The following VKORC1L1 variants were observed in gnomAD, a reference collection of about 807,000 sequenced individuals.
VKORC1L1 encodes vitamin K epoxide reductase complex subunit 1-like protein 1.
VKORC1L1 carries 2 observed loss-of-function variants against 18.9 expected under a neutral mutation model. The observed-to-expected ratio is 0.11, with a 90% CI of 0.04 to 0.33. VKORC1L1 has a LOEUF of 0.33. VKORC1L1 is among the 10% of genes least tolerant of loss of function. The pLI is 1.00. For synonymous variants in VKORC1L1, 96 were observed against 100.0 expected (o/e 0.96, Z 0.24); for missense variants, 123 against 224.1 (o/e 0.55, Z 2.88).
Position 65,873,263 on chromosome 7 carries a change from C to CGGCGGCGGCGGAGGCGGCGGT in VKORC1L1, c.-100_-80dup. ...GCGGCGGCGGCGGCGGCGGTGGTGGCGGCGGCGGCGGAGGCGGCGGTGGCG... is the reference window on the plus strand; with the variant it reads ...GCGGCGGCGGCGGCGGCGGTGGTGGCGGCGGCGGCGGAGGCGGCGGTGGCGGCGGCGGAGGCGGCGGTGGCG... On this transcript the variant is annotated 5_prime_UTR_variant, in exon 1 of 3. Transcript: ENST00000360768. 1 of 947,462 alleles carries CGGCGGCGGCGGAGGCGGCGGT rather than the reference C, an allele frequency of 1.1e-6. No homozygotes were observed. The highest frequency in any genetic ancestry group is 1.3e-6 in the Non-Finnish European group (1 of 797,644). The allele number at this position is 947,462 out of a possible 1,614,324, so 58.7% of individuals were successfully genotyped here. A position where few individuals can be genotyped will look rare whatever the true frequency, so the allele number is the denominator to read the frequency against.
rs1291241102 is a variant in VKORC1L1 at position 65,957,882 on chromosome 7, G to C, written c.*3582G>C. 6.6e-6 allele frequency: 1 copy of C among 152,058 alleles called. No homozygotes were observed. The highest frequency in any genetic ancestry group is 1.5e-5 in the Non-Finnish European group (1 of 68,006). 9.4% of individuals were successfully genotyped at this position (152,058 alleles called of 1,614,324 possible). A position where few individuals can be genotyped will look rare whatever the true frequency, so the allele number is the denominator to read the frequency against. On this transcript the variant is annotated 3_prime_UTR_variant, in exon 3 of 3. Coordinates refer to ENST00000360768, the MANE Select transcript of VKORC1L1 (RefSeq NM_173517.6). The stretch of plus-strand genomic sequence containing the variant: ...TTTGTTGACTTTTGTTTTTCATTTA[G>C]TTTTGGAAAAGACTATTTGCAAAAG...
chr7:65,948,224 T>C (rs1723271), intron 1 of VKORC1L1, among the ~76,000 whole-genome samples: 14 of 152,196 alleles, frequency 9.2e-5, no homozygotes, highest in South Asian at 4.2e-4. Context: ...GGGGGAGCTC[T>C]GGGGTACTGT....
Position 65,873,158 on chromosome 7 carries a change from T to G in VKORC1L1, c.-214T>G, listed in dbSNP as rs867267261. The G allele has an allele frequency of 3.5e-3, 1,705 of 486,816 alleles. 28 individuals are homozygous for G. Among genetic ancestry groups the G allele is most frequent in the African/African-American group, 0.031 (1,484 of 47,406 alleles). The allele number at this position is 486,816 out of a possible 1,614,324, so 30.2% of individuals were successfully genotyped here. ...GCCCGCGCGCGCCTTCCCCGCCCCG[T>G]CCGCCTCACTCCTTTTGGGGCGGTT... On this transcript the variant is annotated 5_prime_UTR_variant, in exon 1 of 3. Coordinates refer to ENST00000360768, the MANE Select transcript of VKORC1L1 (RefSeq NM_173517.6).
intron 2 of VKORC1L1, among the ~76,000 whole-genome samples, chr7:65,951,771 G>A (rs1562658920): frequency 6.6e-6 from 1 of 152,066 alleles, no homozygotes; most frequent in African/African-American, 2.4e-5. Context: ...AAAGGCAGAT[G>A]CTATACCCAC....
intron 1 of VKORC1L1, among the ~76,000 whole-genome samples, chr7:65,903,987 T>G (rs1333402180): frequency 6.6e-6 from 1 of 152,200 alleles, no homozygotes; most frequent in Non-Finnish European, 1.5e-5. Flanking sequence ...TGAAGGTGAT[T>G]GCTAACAGGT....
At position 65,878,832 on chromosome 7, in the gene VKORC1L1, C is replaced by T. The variant is rs559185952; in HGVS notation, c.194+5267C>T. Among the ~76,000 whole-genome samples the T allele has an allele frequency of 1.7e-4, 26 of 152,168 alleles. 1 individual carries two copies. The South Asian group carries it at 3.3e-3, about 19-fold the overall frequency. On this transcript the variant is annotated intron_variant, in intron 1 of 2. Transcript: ENST00000360768. ...CTGAGGCAGGAGAATCACTTGAACC[C>T]GGGAGGTGGAGGTTGTGGTGAGCTG...
chr7:65,926,043 C>T (rs1235379421), intron 1 of VKORC1L1, among the ~76,000 whole-genome samples: 1 of 151,912 alleles, frequency 6.6e-6, no homozygotes, highest in Non-Finnish European at 1.5e-5. Context: ...AATTATTCAC[C>T]TATGGTAACA....
At chr7:65,953,505 A>G (rs775453267) in intron 2 of VKORC1L1, among the ~76,000 whole-genome samples, 52 of 152,350 alleles carry the variant, frequency 3.4e-4, no homozygotes, top group South Asian at 8.3e-4. Flanking sequence ...GTGAGATTGC[A>G]TGTTTTCTTT....
chr7:65,882,793 T>G (rs896529804), intron 1 of VKORC1L1, among the ~76,000 whole-genome samples: 5 of 152,222 alleles, frequency 3.3e-5, no homozygotes, highest in African/African-American at 1.2e-4. Context: ...TAGTACATAT[T>G]GTAAAGTTTT....
In VKORC1L1 at chr7:65,938,970, G is replaced by C. The variant is rs575082492; in HGVS notation, c.195-9701G>C. 1.5e-4 allele frequency among the ~76,000 whole-genome samples: 23 copies of C among 152,312 alleles called. No homozygotes were observed. In the East Asian group the frequency reaches 1.7e-3, roughly 11 times the overall value. The stretch of plus-strand genomic sequence containing the variant: ...GAATCAGGGCCACACCAGGTGGTTG[G>C]AAGAGCTGTGGAACCTCAGAGAGCT... On this transcript the variant is annotated intron_variant, in intron 1 of 2. Transcript: ENST00000360768.
At chr7:65,900,022 C>A (rs1414165914) in intron 1 of VKORC1L1, among the ~76,000 whole-genome samples, 1 of 144,566 alleles carries the variant, frequency 6.9e-6, no homozygotes. Flanking sequence ...TAGCTTTGTG[C>A]GTGTGTGCAT....
At chr7:65,888,982 C>A (rs1419442971) in intron 1 of VKORC1L1, among the ~76,000 whole-genome samples, 1 of 152,102 alleles carries the variant, frequency 6.6e-6, no homozygotes, top group Non-Finnish European at 1.5e-5. Context: ...CCCCAACCCC[C>A]CAACTACACA....
Position 65,917,745 on chromosome 7 carries a change from C to G in VKORC1L1, c.195-30926C>G, listed in dbSNP as rs73370630. Among the ~76,000 whole-genome samples, 242 of 152,308 alleles carry G rather than the reference C, an allele frequency of 1.6e-3. 1 individual carries two copies. The highest frequency in any genetic ancestry group is 5.5e-3 in the African/African-American group (227 of 41,566). ...AAAAACTTTCTCCTAAGTACTTTAGCATGCATATCATTAGTTCATTATTTG... is the reference window on the plus strand; with the variant it reads ...AAAAACTTTCTCCTAAGTACTTTAGGATGCATATCATTAGTTCATTATTTG... On this transcript the variant is annotated intron_variant, in intron 1 of 2. Coordinates refer to ENST00000360768, the MANE Select transcript of VKORC1L1 (RefSeq NM_173517.6).
At chr7:65,934,826 G>A (rs555597617) in intron 1 of VKORC1L1, among the ~76,000 whole-genome samples, 121 of 152,102 alleles carry the variant, frequency 8.0e-4, no homozygotes, top group African/African-American at 2.8e-3. Context: ...AGGCCAAGGC[G>A]GGCAGATCAC....
rs765531112 is a variant in VKORC1L1 at position 65,900,075 on chromosome 7, GTGTGTGTGTGTGTA to G, written c.194+26512_194+26525del. On this transcript the variant is annotated intron_variant, in intron 1 of 2. Coordinates refer to ENST00000360768, the MANE Select transcript of VKORC1L1 (RefSeq NM_173517.6). The stretch of plus-strand genomic sequence containing the variant: ...TGTGTGTGTGTGTGTGTGTGTGTGT[GTGTGTGTGTGTGTA>G]TTGAAAATACAGAAAAATAGCCAGG... Among the ~76,000 whole-genome samples the G allele has an allele frequency of 8.2e-4, 69 of 84,256 alleles. No individual in the cohort carries two copies. In the East Asian group the frequency reaches 0.012, roughly 15 times the overall value. 55.3% of individuals were successfully genotyped at this position (84,256 alleles called of 152,430 possible).
chr7:65,892,309 C>T (rs1456802846), intron 1 of VKORC1L1, among the ~76,000 whole-genome samples: 1 of 152,172 alleles, frequency 6.6e-6, no homozygotes, highest in African/African-American at 2.4e-5. Context: ...TACCCAGTAG[C>T]AGGATTGCTG....
At chr7:65,953,624 G>A (rs1790247862) in intron 2 of VKORC1L1, among the ~76,000 whole-genome samples, 1 of 152,246 alleles carries the variant, frequency 6.6e-6, no homozygotes, top group Non-Finnish European at 1.5e-5. Flanking sequence ...GCTGGGTATG[G>A]TGGCTTATGC....
At chr7:65,950,222 G>A (rs576051346) in intron 2 of VKORC1L1, among the ~76,000 whole-genome samples, 4 of 151,868 alleles carry the variant, frequency 2.6e-5, no homozygotes, top group East Asian at 1.9e-4. Context: ...ATTGGATCCC[G>A]ATACTAGTAC....
intron 1 of VKORC1L1, among the ~76,000 whole-genome samples, chr7:65,879,471 G>A (rs1418081355): frequency 2.6e-5 from 4 of 152,270 alleles, no homozygotes; most frequent in East Asian, 1.9e-4. Context: ...TAAATGTTTT[G>A]CATACATTAT....
Sources: allele counts gnomAD v4.1 joint callset (sites outside exome capture counted in the v4.1 genomes callset), GRCh38; gene constraint gnomAD v4.1.1; transcripts MANE v1.5; gene names NCBI Gene and HGNC (gene_info 2026-07-23, HGNC 2026-07-21).